The following RYR2 variants were observed in gnomAD, a reference collection of about 807,000 sequenced individuals.
The protein encoded by RYR2 is cardiac muscle ryanodine receptor-calcium release channel.
Under a neutral mutation model 601.1 loss-of-function variants are expected in RYR2, and 227 were observed. The ratio of observed to expected loss-of-function variants is 0.38; its 90% CI spans 0.34 to 0.42. RYR2 has a LOEUF of 0.42. RYR2 is among the 10% of genes least tolerant of loss of function. The pLI, the probability that RYR2 is intolerant of heterozygous loss-of-function variation, is 1.00. For synonymous variants in RYR2, 2,223 were observed against 2,175.1 expected (o/e 1.02, Z -0.61); for missense variants, 4,646 against 6,156.5 (o/e 0.75, Z 8.21).
At chr1:237,823,971 T>A (rs545702388) in intron 101 of RYR2, among the ~76,000 whole-genome samples, 8 of 152,112 alleles carry the variant, frequency 5.3e-5, no homozygotes, top group Non-Finnish European at 1.0e-4. Context: ...CTCCCAAGAC[T>A]AAACCAGGAA....
chr1:237,533,352 A>G (rs1028620578), intron 25 of RYR2, among the ~76,000 whole-genome samples: 3 of 152,180 alleles, frequency 2.0e-5, no homozygotes, highest in Non-Finnish European at 4.4e-5. Context: ...GCAATTTGGC[A>G]TCATTGTGTA....
intron 25 of RYR2, among the ~76,000 whole-genome samples, chr1:237,535,508 C>T (rs1201725260): frequency 6.6e-6 from 1 of 151,692 alleles, no homozygotes; most frequent in African/African-American, 2.4e-5. Flanking sequence ...CACACACACA[C>T]ACACACACAC....
chr1:237,649,431 G>C (rs1030122075), intron 49 of RYR2, among the ~76,000 whole-genome samples: 2 of 152,134 alleles, frequency 1.3e-5, no homozygotes, highest in Admixed American at 1.3e-4. Flanking sequence ...GTTATCCTTT[G>C]GTTATTGGTG....
At position 237,531,313 on chromosome 1, in the gene RYR2, A is replaced by G. The variant is rs374836189; in HGVS notation, c.2906+803A>G. On this transcript the variant is annotated intron_variant, in intron 25 of 104. Coordinates refer to ENST00000366574, the MANE Select transcript of RYR2 (RefSeq NM_001035.3). ...CTATGTTTGTGATCCTGGTTCACTT[A>G]AGACCTCACCTTTCTCATCTGCCTG... is the stretch of plus-strand genomic sequence containing the variant. 7.1e-4 allele frequency among the ~76,000 whole-genome samples: 108 copies of G among 152,316 alleles called. 1 individual carries two copies. Among genetic ancestry groups the G allele is most frequent in the African/African-American group, 2.5e-3 (105 of 41,578 alleles).
Position 237,707,144 on chromosome 1 carries a change from A to T in RYR2, c.9776A>T (p.Glu3259Val). ...GAGCATGGACCTGAGAACAATCCAG[A>T]ACGGGCCGAGATGTGCTGCACAGCC... ...WWEHGPENNP[E>V]RAEMCCTALN... is the part of the protein sequence containing the mutation. The change falls in exon 68 of 105, where the codon GAA (glutamate) becomes GTA (valine). Residue 3259 changes from glutamate (E) to valine (V), a missense_variant. Glu to Val is a moderately radical substitution (Grantham distance 121, BLOSUM62 -2). This residue lies in a region of RYR2 where 1,497 missense variants were observed against 1,842.6 expected (regional missense o/e 0.81). Coordinates refer to ENST00000366574, the MANE Select transcript of RYR2 (RefSeq NM_001035.3). The T allele has an allele frequency of 6.2e-7, 1 of 1,613,902 alleles. No individual in the cohort carries two copies. The highest frequency in any genetic ancestry group is 8.5e-7 in the Non-Finnish European group (1 of 1,179,860).
chr1:237,743,855 TA>T (rs1486813469), intron 80 of RYR2, among the ~76,000 whole-genome samples: 2 of 152,252 alleles, frequency 1.3e-5, no homozygotes, highest in African/African-American at 4.8e-5. Context: ...ATCCTCCAGC[TA>T]ACTTTGAGCT....
At chr1:237,645,865 CTGCTTTTTTTTTTT>C (rs759022160) in intron 48 of RYR2, among the ~76,000 whole-genome samples, 58 of 149,024 alleles carry the variant, frequency 3.9e-4, no homozygotes, top group African/African-American at 8.3e-4. Flanking sequence ...TGTTAGATCT[CTGCTTTTTTTTTTT>C]TGCTTTTTTT....
intron 53 of RYR2, among the ~76,000 whole-genome samples, chr1:237,657,621 C>T (rs557237293): frequency 9.9e-5 from 15 of 151,334 alleles, no homozygotes; most frequent in East Asian, 7.7e-4. Context: ...TTTGTGTAAT[C>T]TATTGTCCTA....
intron 1 of RYR2, among the ~76,000 whole-genome samples, chr1:237,139,227 A>G (rs1038329431): frequency 6.6e-6 from 1 of 152,206 alleles, no homozygotes; most frequent in African/African-American, 2.4e-5. Flanking sequence ...CATATATACT[A>G]CCACATGGAT....
At chr1:237,114,374 A>C (rs1291397608) in intron 1 of RYR2, among the ~76,000 whole-genome samples, 2 of 152,218 alleles carry the variant, frequency 1.3e-5, no homozygotes, top group Non-Finnish European at 2.9e-5. Context: ...TTTATTGACA[A>C]GACATTGTGT....
chr1:237,044,949 TC>T (rs1211956703), intron 1 of RYR2, among the ~76,000 whole-genome samples: 3 of 109,020 alleles, frequency 2.8e-5, no homozygotes, highest in African/African-American at 9.4e-5. Flanking sequence ...TATTTCTTCT[TC>T]TTCTTCTTTT....
intron 1 of RYR2, among the ~76,000 whole-genome samples, chr1:237,179,752 G>C (rs1222615809): frequency 6.6e-6 from 1 of 152,120 alleles, no homozygotes; most frequent in African/African-American, 2.4e-5. Flanking sequence ...GTCTGGAAGA[G>C]CTGAGGGTAG....
At chr1:237,552,115 G>A (rs1030380226) in intron 27 of RYR2, among the ~76,000 whole-genome samples, 2 of 152,130 alleles carry the variant, frequency 1.3e-5, no homozygotes, top group Admixed American at 6.6e-5. Flanking sequence ...CTATCTTGAG[G>A]TTAGCTTTCT....
chr1:237,567,767 C>A (rs1672247039), intron 28 of RYR2, among the ~76,000 whole-genome samples: 1 of 150,358 alleles, frequency 6.7e-6, no homozygotes, highest in Non-Finnish European at 1.5e-5. Context: ...TACTTTTTAA[C>A]CAAGAAAAAT....
intron 27 of RYR2, among the ~76,000 whole-genome samples, chr1:237,552,563 A>G (rs1489416291): frequency 1.3e-5 from 2 of 152,056 alleles, no homozygotes; most frequent in East Asian, 1.9e-4. Context: ...TGTAAGTTCT[A>G]TCATTACAGA....
chr1:237,799,413 A>G (rs1040689318), intron 97 of RYR2, among the ~76,000 whole-genome samples: 2 of 152,208 alleles, frequency 1.3e-5, no homozygotes, highest in Non-Finnish European at 2.9e-5. Context: ...ACTCTAAAAA[A>G]AAGTCTGAAA....
chr1:237,359,540 A>G (rs1294200763), intron 4 of RYR2, among the ~76,000 whole-genome samples: 2 of 152,194 alleles, frequency 1.3e-5, no homozygotes, highest in African/African-American at 4.8e-5. Context: ...ACTTAAATAT[A>G]TATGAAAATT....
At chr1:237,347,793 C>T (rs1398976923) in intron 3 of RYR2, among the ~76,000 whole-genome samples, 1 of 151,968 alleles carries the variant, frequency 6.6e-6, no homozygotes, top group East Asian at 1.9e-4. Flanking sequence ...TCCCCCAAAC[C>T]AGAAGTTTTA....
At chr1:237,385,923 C>T (rs1701925583) in intron 8 of RYR2, among the ~76,000 whole-genome samples, 1 of 152,056 alleles carries the variant, frequency 6.6e-6, no homozygotes, top group Non-Finnish European at 1.5e-5. Flanking sequence ...GTGATAATTG[C>T]TTTGAAGGGA....
Sources: gnomAD v4.1 joint callset for allele counts (sites outside exome capture counted in the v4.1 genomes callset) on GRCh38, gnomAD v4.1.1 for gene constraint, gnomAD v4.1.1 regional missense constraint, MANE v1.5 for transcripts, NCBI Gene and HGNC (gene_info 2026-07-23, HGNC 2026-07-21) for gene names.